FRMD4B: variants seen among roughly 807,000 people sequenced by gnomAD.
The protein encoded by FRMD4B is FERM domain-containing protein 4B.
A neutral mutation model predicts 141.5 loss-of-function variants in FRMD4B; 74 were observed. The ratio of observed to expected loss-of-function variants is 0.52; its 90% CI spans 0.43 to 0.63. The LOEUF is 0.63. Among genes scored for constraint, FRMD4B ranks in the 30% least tolerant of loss-of-function variants. The probability of loss-of-function intolerance (pLI) is 0.00; values close to 1 mark genes in which losing one functional copy is unlikely to be tolerated. For synonymous variants in FRMD4B, 506 were observed against 467.9 expected (o/e 1.08, Z -1.05); for missense variants, 1,366 against 1,253.4 (o/e 1.09, Z -1.36).
intron 1 of FRMD4B, among the ~76,000 whole-genome samples, chr3:69,452,271 A>G (rs1705514536): frequency 6.6e-6 from 1 of 152,260 alleles, no homozygotes; most frequent in Non-Finnish European, 1.5e-5. Context: ...ATAAGTGTGT[A>G]TATACAAAGA....
At chr3:69,505,933 G>C (rs1427132326) in intron 1 of FRMD4B, among the ~76,000 whole-genome samples, 3 of 152,182 alleles carry the variant, frequency 2.0e-5, no homozygotes, top group Non-Finnish European at 4.4e-5. Context: ...TTTACAAATA[G>C]AATGGTCTCT....
At chr3:69,200,422 A>T (rs765876694) in intron 11 of FRMD4B, 98 of 998,104 alleles carry the variant, frequency 9.8e-5, no homozygotes, top group Middle Eastern at 5.1e-4. Context: ...TTAAATCCAG[A>T]GGTTCCAAAA....
intron 1 of FRMD4B, among the ~76,000 whole-genome samples, chr3:69,362,641 C>A (rs569812691): frequency 1.4e-4 from 21 of 151,892 alleles, no homozygotes; most frequent in African/African-American, 4.8e-4. Flanking sequence ...CGTGCCACTG[C>A]ACTCCAGCCT....
rs552507342 is a variant in FRMD4B at position 69,346,121 on chromosome 3, G to C, written c.163-32604C>G. Reference sequence around the variant, plus strand: ...CAAATGGCTAACTAGAATAACCAGTGTAGAGATGTCCTTAAATGACCTGAT... The same window carrying C: ...CAAATGGCTAACTAGAATAACCAGTCTAGAGATGTCCTTAAATGACCTGAT... On this transcript the variant is annotated intron_variant, in intron 1 of 22. Transcript: ENST00000398540. Among the ~76,000 whole-genome samples the C allele has an allele frequency of 1.3e-3, 196 of 152,168 alleles. 1 individual carries two copies. The highest frequency in any genetic ancestry group is 0.01 in the Middle Eastern group (3 of 294).
In FRMD4B at chr3:69,474,886, G is replaced by GAA. The variant is rs746886705; in HGVS notation, c.-128-42126_-128-42125insTT. On this transcript the variant is annotated intron_variant, in intron 1 of 5. Transcript: ENST00000459638. ...AAATGCTATCAAAGGGGAAAGAGAG[G>GAA]ATGCTAGGAAAGCCTATAGACAGAG... Among the ~76,000 whole-genome samples the GAA allele has an allele frequency of 4.6e-5, 7 of 152,124 alleles. No homozygotes were observed. The East Asian group carries it at 7.7e-4, about 17-fold the overall frequency.
chr3:69,278,587 C>T (rs1216543802), intron 5 of FRMD4B, among the ~76,000 whole-genome samples: 1 of 143,898 alleles, frequency 6.9e-6, no homozygotes, highest in Non-Finnish European at 1.5e-5. Context: ...GTGAGTCACC[C>T]CAGTGGCCCC....
chr3:69,304,175 CAAA>C (rs35528700), intron 3 of FRMD4B, among the ~76,000 whole-genome samples: 16 of 106,254 alleles, frequency 1.5e-4, no homozygotes, highest in East Asian at 4.3e-4. Context: ...TAACTTGTCT[CAAA>C]AAAAAAAAAA....
At chr3:69,172,103 G>C in intron 22 of FRMD4B, 122 bp from the exon 23 acceptor site, 2 of 794,604 alleles carry the variant, frequency 2.5e-6, no homozygotes, top group Non-Finnish European at 4.2e-6. Context: ...CCAAAATGTA[G>C]AGATAAGGGA....
chr3:69,260,365 C>T (rs1020255396), intron 5 of FRMD4B, among the ~76,000 whole-genome samples: 4 of 152,216 alleles, frequency 2.6e-5, no homozygotes, highest in African/African-American at 9.6e-5. Flanking sequence ...CCTCTGCACC[C>T]GGAGCGGCTG....
At chr3:69,331,784 T>C (rs939525144) in intron 1 of FRMD4B, among the ~76,000 whole-genome samples, 6 of 152,066 alleles carry the variant, frequency 3.9e-5, no homozygotes, top group African/African-American at 1.4e-4. Context: ...TATTATACTT[T>C]TCACTAACAA....
Position 69,216,361 on chromosome 3 carries a change from A to C in FRMD4B, c.790-12T>G, listed in dbSNP as rs773573035. ...AGTCCTTGCTTATCCTAGAAGATGA[A>C]AAAGCATGAGAACCAAGACCTAGCT... On this transcript the variant is annotated splice_polypyrimidine_tract_variant and intron_variant, in intron 10 of 22. Transcript: ENST00000398540. 6 of 1,423,242 alleles carry C rather than the reference A, an allele frequency of 4.2e-6. No homozygotes were observed. In the East Asian group the frequency reaches 1.4e-4, roughly 33 times the overall value. 88.2% of individuals were successfully genotyped at this position (1,423,242 alleles called of 1,614,324 possible). A position where few individuals can be genotyped will look rare whatever the true frequency, so the allele number is the denominator to read the frequency against.
At position 69,455,700 on chromosome 3, in the gene FRMD4B, C is replaced by G. The variant is rs1319641128; in HGVS notation, c.-128-22939G>C. ...ACCAATTTTGGGCACAAGGTGACCC[C>G]AAGTGTGGCTAGGTGTTTTAATTTT... On this transcript the variant is annotated intron_variant, in intron 1 of 5. Coordinates refer to the FRMD4B transcript ENST00000459638. 2.6e-5 allele frequency among the ~76,000 whole-genome samples: 4 copies of G among 152,186 alleles called. No homozygotes were observed. The South Asian group carries it at 6.2e-4, about 24-fold the overall frequency.
chr3:69,175,221 C>G (rs2092631263), intron 22 of FRMD4B, among the ~76,000 whole-genome samples: 1 of 152,112 alleles, frequency 6.6e-6, no homozygotes, highest in Admixed American at 6.6e-5. Flanking sequence ...GTGTCTGAAG[C>G]ACTATGACTT....
intron 1 of FRMD4B, among the ~76,000 whole-genome samples, chr3:69,524,562 A>T (rs184314843): frequency 1.0e-3 from 154 of 152,342 alleles, no homozygotes; most frequent in South Asian, 5.6e-3. Flanking sequence ...ACAGTCTGGC[A>T]GCAGCTGGGG....
At chr3:69,519,854 G>C (rs1048901224) in intron 1 of FRMD4B, among the ~76,000 whole-genome samples, 11 of 151,582 alleles carry the variant, frequency 7.3e-5, no homozygotes, top group African/African-American at 2.7e-4. Flanking sequence ...CATCCTCATA[G>C]CTTAGCTCCC....
chr3:69,502,778 C>G (rs890769996), intron 1 of FRMD4B, among the ~76,000 whole-genome samples: 1 of 151,948 alleles, frequency 6.6e-6, no homozygotes, highest in African/African-American at 2.4e-5. Flanking sequence ...TTTTCACAAC[C>G]TACTCATCTG....
intron 7 of FRMD4B, among the ~76,000 whole-genome samples, chr3:69,239,345 A>AAAATGT (rs2093366377): frequency 3.9e-5 from 6 of 152,254 alleles, no homozygotes; most frequent in Admixed American, 2.6e-4. Context: ...CTGTGGCCTA[A>AAAATGT]CTTGTAACAG....
At position 69,169,353 on chromosome 3, in the gene FRMD4B, CTTTTTTTTT is replaced by C. The variant is rs140202368; in HGVS notation, c.*2499_*2507del. On this transcript the variant is annotated 3_prime_UTR_variant, in exon 23 of 23. Coordinates refer to ENST00000398540, the MANE Select transcript of FRMD4B (RefSeq NM_015123.3). ...AGGATTGCTGAACTTCCATTTCTTTCTTTTTTTTTTTTTTTTTTTTTTCTTGAGACAAGG... is the reference window on the plus strand; with the variant it reads ...AGGATTGCTGAACTTCCATTTCTTTCTTTTTTTTTTTTTCTTGAGACAAGG... 1.7e-4 allele frequency among the ~76,000 whole-genome samples: 5 copies of C among 29,288 alleles called. No individual in the cohort carries two copies. Among genetic ancestry groups the C allele is most frequent in the South Asian group, 6.8e-4 (1 of 1,476 alleles). 19.2% of individuals were successfully genotyped at this position (29,288 alleles called of 152,430 possible).
chr3:69,421,187 C>G (rs1559522748), intron 2 of FRMD4B, among the ~76,000 whole-genome samples: 1 of 152,240 alleles, frequency 6.6e-6, no homozygotes, highest in East Asian at 1.9e-4. Flanking sequence ...CACACAGCCC[C>G]AGAGGTGCCA....
Sources: allele counts gnomAD v4.1 joint callset (sites outside exome capture counted in the v4.1 genomes callset), GRCh38; gene constraint gnomAD v4.1.1; transcripts MANE v1.5; gene names NCBI Gene and HGNC (gene_info 2026-07-23, HGNC 2026-07-21).